Variants in SERTM1 observed in about 807,000 individuals in gnomAD.
SERTM1 encodes serine rich and transmembrane domain containing 1.
A neutral mutation model predicts 5.5 loss-of-function variants in SERTM1; 1 was observed. That is an observed-to-expected ratio of 0.18 (90% CI 0.06 to 0.86). The LOEUF is 0.86. Ranked by LOEUF, SERTM1 falls within the 40% of genes least tolerant of loss-of-function variation. The probability of loss-of-function intolerance (pLI) is 0.69; values close to 1 mark genes in which losing one functional copy is unlikely to be tolerated. For synonymous variants in SERTM1, 52 were observed against 55.1 expected (o/e 0.94, Z 0.25); for missense variants, 91 against 122.4 (o/e 0.74, Z 1.21).
chr13:36,693,382 C>A (rs1296052505), intron 1 of SERTM1, among the ~76,000 whole-genome samples: 2 of 147,212 alleles, frequency 1.4e-5, no homozygotes, highest in Non-Finnish European at 3.0e-5. Flanking sequence ...CACTGCGATT[C>A]TTCTTCTTCT....
At chr13:36,694,003 C>T (rs770442001) in intron 1 of SERTM1, among the ~76,000 whole-genome samples, 6 of 152,166 alleles carry the variant, frequency 3.9e-5, no homozygotes, top group Non-Finnish European at 8.8e-5. Context: ...TACACCCACC[C>T]ATCCACCAAG....
intron 1 of SERTM1, among the ~76,000 whole-genome samples, chr13:36,694,263 C>T (rs1039662726): frequency 1.3e-5 from 2 of 152,226 alleles, no homozygotes; most frequent in African/African-American, 2.4e-5. Flanking sequence ...CTCTCTCTAC[C>T]ATTCGGAGAG....
chr13:36,689,687 T>C (rs1259568940), intron 1 of SERTM1, among the ~76,000 whole-genome samples: 1 of 151,292 alleles, frequency 6.6e-6, no homozygotes, highest in Non-Finnish European at 1.5e-5. Flanking sequence ...GTTTTTTTTT[T>C]AGTTTCCCTC....
intron 1 of SERTM1, among the ~76,000 whole-genome samples, chr13:36,676,266 G>A (rs900219328): frequency 2.2e-4 from 33 of 151,548 alleles, no homozygotes; most frequent in African/African-American, 7.5e-4. Flanking sequence ...GGAGTTATAC[G>A]TTCATTATAA....
chr13:36,694,510 A>G (rs1035129950), intron 1 of SERTM1, among the ~76,000 whole-genome samples: 3 of 152,340 alleles, frequency 2.0e-5, no homozygotes, highest in Admixed American at 6.5e-5. Flanking sequence ...CTGGTCAGGA[A>G]TTATGCTAAT....
intron 1 of SERTM1, among the ~76,000 whole-genome samples, chr13:36,683,426 C>T (rs548088592): frequency 6.6e-6 from 1 of 152,200 alleles, no homozygotes; most frequent in South Asian, 2.1e-4. Flanking sequence ...CTTACAGACC[C>T]ATAATAAACT....
chr13:36,677,594 C>CT (rs1566225932), intron 1 of SERTM1, among the ~76,000 whole-genome samples: 2 of 152,126 alleles, frequency 1.3e-5, no homozygotes, highest in East Asian at 3.9e-4. Context: ...GGATAGGTGG[C>CT]TATAAGAATC....
chr13:36,676,052 T>G (rs186613592), intron 1 of SERTM1, among the ~76,000 whole-genome samples: 5 of 152,330 alleles, frequency 3.3e-5, no homozygotes, highest in Admixed American at 3.3e-4. Context: ...TTTTACTAGA[T>G]GTCTACGATT....
rs2056817653 is a variant in SERTM1 at position 36,696,854 on chromosome 13, A to G, written c.*1452A>G. The G allele has an allele frequency of 6.0e-6, 1 of 167,074 alleles. No homozygotes were observed. The highest frequency in any genetic ancestry group is 1.5e-5 in the Non-Finnish European group (1 of 68,136). The allele number at this position is 167,074 out of a possible 1,614,324, so 10.3% of individuals were successfully genotyped here. A position where few individuals can be genotyped will look rare whatever the true frequency, so the allele number is the denominator to read the frequency against. On this transcript the variant is annotated 3_prime_UTR_variant, in exon 2 of 2. Transcript: ENST00000315190. Reference sequence around the variant, plus strand: ...TGGCAACTGAATCATTCCTTGTTCAAAACATTTAATCATCTTAAGCAGTGG... The same window carrying G: ...TGGCAACTGAATCATTCCTTGTTCAGAACATTTAATCATCTTAAGCAGTGG...
At chr13:36,685,710 AAGGTGATTAAGG>A (rs2138090687) in intron 1 of SERTM1, among the ~76,000 whole-genome samples, 1 of 152,298 alleles carries the variant, frequency 6.6e-6, no homozygotes, top group African/African-American at 2.4e-5. Context: ...CACCCAAACC[AAGGTGATTAAGG>A]AGGTGATTAA....
intron 1 of SERTM1, among the ~76,000 whole-genome samples, chr13:36,693,961 C>A (rs1157516058): frequency 2.0e-5 from 3 of 152,034 alleles, no homozygotes; most frequent in African/African-American, 7.2e-5. Flanking sequence ...AAGAAATGGT[C>A]CCCCCTCCAC....
At chr13:36,686,865 CT>C (rs1030686803) in intron 1 of SERTM1, among the ~76,000 whole-genome samples, 2 of 152,232 alleles carry the variant, frequency 1.3e-5, no homozygotes, top group East Asian at 1.9e-4. Context: ...CTGAATCCTA[CT>C]TTTTTTCTCT....
chr13:36,678,290 A>G (rs1171814435), intron 1 of SERTM1, among the ~76,000 whole-genome samples: 5 of 152,208 alleles, frequency 3.3e-5, no homozygotes, highest in Admixed American at 3.3e-4. Flanking sequence ...ACAGCTTGGT[A>G]TATAACCTCT....
chr13:36,686,960 T>C (rs985590600), intron 1 of SERTM1, among the ~76,000 whole-genome samples: 1 of 152,230 alleles, frequency 6.6e-6, no homozygotes, highest in Non-Finnish European at 1.5e-5. Context: ...TGCCAATTAA[T>C]AGGCATTATT....
At position 36,697,652 on chromosome 13, in the gene SERTM1, G is replaced by A. The variant is rs776362037; in HGVS notation, c.*2250G>A. The stretch of plus-strand genomic sequence containing the variant: ...AGCACACTCCCATTCCTCCCCTGCC[G>A]CAATGGTTCTTGCTCTCAATGTTTA... On this transcript the variant is annotated 3_prime_UTR_variant, in exon 2 of 2. Transcript: ENST00000315190. 3.6e-5 allele frequency: 6 copies of A among 166,860 alleles called. No individual in the cohort carries two copies. Among genetic ancestry groups the A allele is most frequent in the East Asian group, 1.9e-4 (1 of 5,174 alleles). The allele number at this position is 166,860 out of a possible 1,614,324, so 10.3% of individuals were successfully genotyped here.
At chr13:36,686,559 C>A (rs992011993) in intron 1 of SERTM1, among the ~76,000 whole-genome samples, 1 of 152,034 alleles carries the variant, frequency 6.6e-6, no homozygotes, top group Non-Finnish European at 1.5e-5. Flanking sequence ...CATGTATATG[C>A]GTAAGTGTGC....
At chr13:36,680,120 G>A (rs1409159513) in intron 1 of SERTM1, among the ~76,000 whole-genome samples, 1 of 152,062 alleles carries the variant, frequency 6.6e-6, no homozygotes, top group East Asian at 1.9e-4. Flanking sequence ...AGAGCATTTT[G>A]GATAAGGGAT....
chr13:36,676,876 T>A (rs983815986), intron 1 of SERTM1, among the ~76,000 whole-genome samples: 1 of 152,234 alleles, frequency 6.6e-6, no homozygotes, highest in Non-Finnish European at 1.5e-5. Flanking sequence ...GTTCAAGCTT[T>A]AAGCCCACGA....
chr13:36,687,505 C>CT (rs372184145), intron 1 of SERTM1, among the ~76,000 whole-genome samples: 2,086 of 148,960 alleles, frequency 0.014, 49 homozygotes, highest in African/African-American at 0.048. Context: ...GGAATCTTTA[C>CT]TTTTTTTTTT....
Sources: allele counts gnomAD v4.1 joint callset (sites outside exome capture counted in the v4.1 genomes callset), GRCh38; gene constraint gnomAD v4.1.1; transcripts MANE v1.5; gene names NCBI Gene and HGNC (gene_info 2026-07-23, HGNC 2026-07-21).